The following GPR158 variants were observed in gnomAD, a reference collection of about 807,000 sequenced individuals.
The protein encoded by GPR158 is G protein-coupled receptor 158.
In GPR158, 30 loss-of-function variants were observed where a neutral mutation model predicts 78.2. The observed-to-expected ratio is 0.38, with a 90% CI of 0.29 to 0.52. GPR158 has a LOEUF of 0.52. Ranked by LOEUF, GPR158 falls within the 20% of genes least tolerant of loss-of-function variation. The probability of loss-of-function intolerance (pLI) is 0.83; values close to 1 mark genes in which losing one functional copy is unlikely to be tolerated. For synonymous variants in GPR158, 581 were observed against 591.1 expected (o/e 0.98, Z 0.25); for missense variants, 1,463 against 1,523.5 (o/e 0.96, Z 0.66).
chr10:25,550,489 G>C (rs555668598), intron 5 of GPR158, among the ~76,000 whole-genome samples: 5 of 152,088 alleles, frequency 3.3e-5, no homozygotes, highest in Admixed American at 6.6e-5. Flanking sequence ...ATCGGCTCTG[G>C]GGGGAGAATG....
chr10:25,309,474 T>C (rs1288494774), intron 2 of GPR158, among the ~76,000 whole-genome samples: 1 of 152,196 alleles, frequency 6.6e-6, no homozygotes, highest in African/African-American at 2.4e-5. Flanking sequence ...TGATATATGA[T>C]TTGCAAATTT....
chr10:25,412,902 G>C (rs576672536), intron 4 of GPR158, among the ~76,000 whole-genome samples: 1 of 152,274 alleles, frequency 6.6e-6, no homozygotes, highest in South Asian at 2.1e-4. Flanking sequence ...ATTATACTTT[G>C]AAGAATGAAT....
At chr10:25,450,882 C>A (rs1209547507) in intron 4 of GPR158, among the ~76,000 whole-genome samples, 4 of 152,148 alleles carry the variant, frequency 2.6e-5, no homozygotes, top group South Asian at 4.1e-4. Flanking sequence ...GAGTTAGATA[C>A]ATGCATGCAT....
Position 25,526,004 on chromosome 10 carries a change from G to C in GPR158, c.1405-24972G>C, listed in dbSNP as rs914887598. Among the ~76,000 whole-genome samples, 3 of 151,268 alleles carry C rather than the reference G, an allele frequency of 2.0e-5. No homozygotes were observed. In the East Asian group the frequency reaches 5.8e-4, roughly 29 times the overall value. ...GCTTGTAAACCTAGCTACTTGGGAG[G>C]CTGAGGCAGGAGAGTTGCTTGAACC... On this transcript the variant is annotated intron_variant, in intron 5 of 10. Coordinates refer to ENST00000376351, the MANE Select transcript of GPR158 (RefSeq NM_020752.3).
At chr10:25,494,462 T>A (rs1383527849) in intron 5 of GPR158, among the ~76,000 whole-genome samples, 1 of 152,218 alleles carries the variant, frequency 6.6e-6, no homozygotes, top group South Asian at 2.1e-4. Context: ...AGTATAATCA[T>A]GTATTTTGTT....
At chr10:25,394,409 T>C (rs1391457830) in intron 2 of GPR158, among the ~76,000 whole-genome samples, 2 of 152,258 alleles carry the variant, frequency 1.3e-5, no homozygotes, top group African/African-American at 4.8e-5. Context: ...TTCTCCTAAA[T>C]ACATGTTATA....
At chr10:25,484,194 T>A (rs1217218822) in intron 5 of GPR158, among the ~76,000 whole-genome samples, 3 of 152,200 alleles carry the variant, frequency 2.0e-5, no homozygotes, top group Non-Finnish European at 2.9e-5. Flanking sequence ...TCCTTGAACA[T>A]GCCTGGCACA....
intron 2 of GPR158, among the ~76,000 whole-genome samples, chr10:25,381,484 A>T (rs1834155127): frequency 1.3e-5 from 2 of 152,174 alleles, no homozygotes; most frequent in African/African-American, 4.8e-5. Context: ...ATAATGAGGA[A>T]CGTTGCTAGT....
chr10:25,228,576 C>T (rs1267164054), intron 2 of GPR158, among the ~76,000 whole-genome samples: 1 of 152,036 alleles, frequency 6.6e-6, no homozygotes, highest in Non-Finnish European at 1.5e-5. Flanking sequence ...TTAGTAAGCA[C>T]TTGGGGATAT....
intron 9 of GPR158, among the ~76,000 whole-genome samples, chr10:25,595,554 G>A (rs148358504): frequency 5.3e-5 from 8 of 152,154 alleles, no homozygotes; most frequent in Non-Finnish European, 7.3e-5. Flanking sequence ...CCATACGATG[G>A]ATTATTATTT....
chr10:25,490,726 T>C lies in GPR158; in HGVS notation c.1404+24007T>C, dbSNP rs1835797610. Among the ~76,000 whole-genome samples, 4 of 147,700 alleles carry C rather than the reference T, an allele frequency of 2.7e-5. No individual in the cohort carries two copies. The South Asian group carries it at 9.0e-4, about 33-fold the overall frequency. ...ATTTGGGTTGCTTCCAAGTCTTTGC[T>C]ATTGTGAATAATGCCGCAATAAACA... On this transcript the variant is annotated intron_variant, in intron 5 of 10. Coordinates refer to ENST00000376351, the MANE Select transcript of GPR158 (RefSeq NM_020752.3).
chr10:25,423,222 C>T (rs1192662333), intron 4 of GPR158, among the ~76,000 whole-genome samples: 2 of 151,266 alleles, frequency 1.3e-5, no homozygotes, highest in African/African-American at 4.9e-5. Flanking sequence ...TTTCTTTATC[C>T]ACTAGTTGAT....
intron 4 of GPR158, among the ~76,000 whole-genome samples, chr10:25,465,844 G>A (rs746172450): frequency 4.6e-5 from 7 of 152,168 alleles, no homozygotes; most frequent in Non-Finnish European, 1.0e-4. Context: ...GATCTCGTTT[G>A]TAAATTTCGT....
intron 7 of GPR158, among the ~76,000 whole-genome samples, chr10:25,575,290 A>G (rs1837075707): frequency 6.6e-6 from 1 of 152,206 alleles, no homozygotes; most frequent in Non-Finnish European, 1.5e-5. Context: ...TGATATAATG[A>G]ATCGGTAAAT....
intron 2 of GPR158, among the ~76,000 whole-genome samples, chr10:25,236,621 C>G (rs1853530788): frequency 6.6e-6 from 1 of 152,202 alleles, no homozygotes; most frequent in Admixed American, 6.5e-5. Context: ...TTTGCACATG[C>G]TGTTCCTTTG....
chr10:25,244,470 CATCTT>C (rs1242675811), intron 2 of GPR158: 1 of 152,156 alleles, frequency 6.6e-6, no homozygotes, highest in African/African-American at 2.4e-5. Flanking sequence ...ATATACTTAA[CATCTT>C]AGAATGCAGA....
At chr10:25,294,438 A>G (rs1854482973) in intron 2 of GPR158, among the ~76,000 whole-genome samples, 1 of 152,206 alleles carries the variant, frequency 6.6e-6, no homozygotes, top group Non-Finnish European at 1.5e-5. Flanking sequence ...TTCAGTTCAT[A>G]AAGGCATCCT....
intron 5 of GPR158, among the ~76,000 whole-genome samples, chr10:25,509,469 T>G (rs766206447): frequency 1.4e-4 from 22 of 152,202 alleles, no homozygotes; most frequent in Non-Finnish European, 2.6e-4. Flanking sequence ...TGTCTGAGCC[T>G]CTTCTGGAAG....
intron 7 of GPR158, among the ~76,000 whole-genome samples, chr10:25,574,616 G>T (rs1263487184): frequency 6.6e-6 from 1 of 152,164 alleles, no homozygotes; most frequent in Non-Finnish European, 1.5e-5. Context: ...TCTGGGCGTG[G>T]TGACTCACGC....
Sources: allele counts gnomAD v4.1 joint callset (sites outside exome capture counted in the v4.1 genomes callset), GRCh38; gene constraint gnomAD v4.1.1; transcripts MANE v1.5; gene names NCBI Gene and HGNC (gene_info 2026-07-23, HGNC 2026-07-21).